PKNOX2: variants seen among roughly 807,000 people sequenced by gnomAD.
The protein encoded by PKNOX2 is homeobox protein PKNOX2.
PKNOX2 carries 14 observed loss-of-function variants against 53.1 expected under a neutral mutation model. The observed-to-expected ratio is 0.26, with a 90% CI of 0.17 to 0.41. PKNOX2 has a LOEUF of 0.41. Among genes scored for constraint, PKNOX2 ranks in the 10% least tolerant of loss-of-function variants. The probability of loss-of-function intolerance (pLI) is 1.00; values close to 1 mark genes in which losing one functional copy is unlikely to be tolerated. For missense variants in PKNOX2, 496 were observed against 602.8 expected, an observed-to-expected ratio of 0.82 and a Z score of 1.85; for synonymous variants, 257 against 242.8, an observed-to-expected ratio of 1.06 and a Z score of -0.54.
At chr11:125,281,482 C>T (rs1476203280) in intron 2 of PKNOX2, among the ~76,000 whole-genome samples, 1 of 152,198 alleles carries the variant, frequency 6.6e-6, no homozygotes, top group Non-Finnish European at 1.5e-5. Flanking sequence ...GATTTGAATT[C>T]TGGCTGCCAC....
At chr11:125,188,669 C>T (rs1022198910) in intron 1 of PKNOX2, among the ~76,000 whole-genome samples, 1 of 152,028 alleles carries the variant, frequency 6.6e-6, no homozygotes, top group Non-Finnish European at 1.5e-5. Flanking sequence ...GCTGTTAACT[C>T]GGTGGTAATC....
intron 1 of PKNOX2, among the ~76,000 whole-genome samples, chr11:125,193,121 A>G (rs1956978007): frequency 6.6e-6 from 1 of 152,230 alleles, no homozygotes; most frequent in African/African-American, 2.4e-5. Flanking sequence ...CTCAGAAGGC[A>G]TTTATAGCTT....
chr11:125,252,975 G>A (rs1414178786), intron 2 of PKNOX2, among the ~76,000 whole-genome samples: 4 of 152,192 alleles, frequency 2.6e-5, no homozygotes, highest in East Asian at 1.9e-4. Flanking sequence ...AAGGCCTTCG[G>A]CTATTCACCA....
intron 5 of PKNOX2, among the ~76,000 whole-genome samples, chr11:125,373,547 C>T (rs1443448714): frequency 6.6e-6 from 1 of 152,200 alleles, no homozygotes; most frequent in Non-Finnish European, 1.5e-5. Context: ...TGGTAAAGAA[C>T]CTGGCAGGTG....
At chr11:125,427,639 A>G (rs1018246972) in intron 10 of PKNOX2, among the ~76,000 whole-genome samples, 1 of 152,228 alleles carries the variant, frequency 6.6e-6, no homozygotes, top group African/African-American at 2.4e-5. Flanking sequence ...ATAGCTAGTC[A>G]TAATAGAGCC....
chr11:125,380,379 G>A (rs535016646), intron 5 of PKNOX2, among the ~76,000 whole-genome samples: 3 of 152,056 alleles, frequency 2.0e-5, no homozygotes, highest in Admixed American at 1.3e-4. Flanking sequence ...AATTTTGAAC[G>A]GCTTAAGAGA....
Position 125,410,235 on chromosome 11 carries a change from T to C in PKNOX2, c.628T>C (p.Ser210Pro). The change falls in exon 8 of 13, where the codon TCC becomes CCC. Residue 210 changes from serine to proline, a missense_variant. By Grantham distance (74) the Ser-to-Pro change is moderately conservative. Transcript: ENST00000298282. Reference sequence around the variant, plus strand: ...TTCCCCCAATTCCATGTCCGGAGTCTCCAATAACCCCCAGGGGATTGTGGT... The same window carrying C: ...TTCCCCCAATTCCATGTCCGGAGTCCCCAATAACCCCCAGGGGATTGTGGT... ...QNSPNSMSGV[S>P]NNPQGIVVPA... 1 of 1,613,976 alleles carries C rather than the reference T, an allele frequency of 6.2e-7. No individual in the cohort carries two copies.
intron 10 of PKNOX2, among the ~76,000 whole-genome samples, chr11:125,414,064 C>T (rs943499375): frequency 2.0e-5 from 3 of 152,192 alleles, no homozygotes; most frequent in East Asian, 3.8e-4. Flanking sequence ...CCTGGGACCT[C>T]GGTTCATGCC....
chr11:125,298,390 G>A (rs1216643671), intron 2 of PKNOX2, among the ~76,000 whole-genome samples: 1 of 152,184 alleles, frequency 6.6e-6, no homozygotes, highest in African/African-American at 2.4e-5. Context: ...TCACAGGTTT[G>A]CAGGAGGCTT....
intron 2 of PKNOX2, among the ~76,000 whole-genome samples, chr11:125,277,256 A>G (rs1946232609): frequency 6.6e-6 from 1 of 152,184 alleles, no homozygotes; most frequent in Non-Finnish European, 1.5e-5. Context: ...AAAAAACAAT[A>G]ATAATAAAGG....
intron 1 of PKNOX2, among the ~76,000 whole-genome samples, chr11:125,204,037 C>T (rs554762159): frequency 2.0e-5 from 3 of 152,194 alleles, no homozygotes; most frequent in African/African-American, 7.2e-5. Flanking sequence ...TCCCCAGAGA[C>T]GTGTGGAGAG....
At position 125,343,190 on chromosome 11, in the gene PKNOX2, C is replaced by T. The variant is rs573242485; in HGVS notation, c.-22-8094C>T. 9.9e-4 allele frequency among the ~76,000 whole-genome samples: 151 copies of T among 152,180 alleles called. 1 individual carries two copies. The highest frequency in any genetic ancestry group is 3.4e-3 in the African/African-American group (140 of 41,524). ...CTAAGTTGAACATCACTGGCAAAAG[C>T]GGGACCCAGGTGTGGTGAGTGTGAG... On this transcript the variant is annotated intron_variant, in intron 3 of 12. Transcript: ENST00000298282.
At chr11:125,416,302 CAAAAAAAA>C (rs61354494) in intron 10 of PKNOX2, among the ~76,000 whole-genome samples, 2 of 70,458 alleles carry the variant, frequency 2.8e-5, no homozygotes, top group African/African-American at 6.0e-5. Context: ...GACGCCGTCT[CAAAAAAAA>C]AAAAAAAAAA....
At chr11:125,390,215 C>T (rs1290181454) in intron 6 of PKNOX2, among the ~76,000 whole-genome samples, 4 of 152,188 alleles carry the variant, frequency 2.6e-5, no homozygotes, top group Admixed American at 6.5e-5. Flanking sequence ...CTTATTTAAT[C>T]CTCTTTCTAA....
chr11:125,188,728 C>T (rs1956603886), intron 1 of PKNOX2, among the ~76,000 whole-genome samples: 1 of 152,122 alleles, frequency 6.6e-6, no homozygotes, highest in Non-Finnish European at 1.5e-5. Context: ...GCCACAGGTA[C>T]TTGGATAATT....
At chr11:125,411,594 A>G (rs1955553812) in intron 9 of PKNOX2, 152 bp from the exon 10 acceptor site, 1 of 1,161,626 alleles carries the variant, frequency 8.6e-7, no homozygotes, top group African/African-American at 1.5e-5. Flanking sequence ...AGGGGCTGGC[A>G]TGGGCTGAGA....
chr11:125,385,631 C>T lies in PKNOX2; in HGVS notation c.308C>T (p.Ala103Val), dbSNP rs371099368. ...ATQGSECITSASFDVDIENFV... is the reference protein window; with the variant it reads ...ATQGSECITSVSFDVDIENFV... ...CAGGGCTCTGAGTGCATCACCTCCG[C>T]CAGCTTTGATGTGGACATCGAGAAC... The change falls in exon 6 of 13, where the codon GCC becomes GTC. Residue 103 changes from alanine to valine, a missense_variant. Physicochemically the swap from Ala to Val is moderately conservative, Grantham distance 64. Around this residue, in one of 5 missense-constraint regions of PKNOX2, gnomAD observed 168 missense variants for 178.4 expected, o/e 0.94. Coordinates refer to ENST00000298282, the MANE Select transcript of PKNOX2 (RefSeq NM_001382323.2). 6.2e-7 allele frequency: 1 copy of T among 1,613,918 alleles called. No homozygotes were observed. The highest frequency in any genetic ancestry group is 8.5e-7 in the Non-Finnish European group (1 of 1,180,002).
At chr11:125,353,120 G>A (rs1022460844) in intron 4 of PKNOX2, among the ~76,000 whole-genome samples, 2 of 152,188 alleles carry the variant, frequency 1.3e-5, no homozygotes, top group African/African-American at 4.8e-5. Context: ...TGGGAACGTG[G>A]GCTCCACTTG....
At chr11:125,246,390 C>T (rs1943566914) in intron 2 of PKNOX2, among the ~76,000 whole-genome samples, 1 of 152,226 alleles carries the variant, frequency 6.6e-6, no homozygotes, top group Admixed American at 6.5e-5. Flanking sequence ...CTTGAAGGCC[C>T]TGCCTTCCAA....
Sources: gnomAD v4.1 joint callset for allele counts (sites outside exome capture counted in the v4.1 genomes callset) on GRCh38, gnomAD v4.1.1 for gene constraint, gnomAD v4.1.1 regional missense constraint, MANE v1.5 for transcripts, NCBI Gene and HGNC (gene_info 2026-07-23, HGNC 2026-07-21) for gene names.